Variants in MGST1 observed in about 807,000 individuals in gnomAD.
MGST1 encodes microsomal glutathione S-transferase 1.
A neutral mutation model predicts 8.9 loss-of-function variants in MGST1; 5 were observed. The ratio of observed to expected loss-of-function variants is 0.56; its 90% CI spans 0.29 to 1.19. MGST1 has a LOEUF of 1.19. MGST1 is among the 50% of genes most tolerant of loss of function. MGST1 has a pLI of 0.08. For missense variants in MGST1, 182 were observed against 187.4 expected, an observed-to-expected ratio of 0.97 and a Z score of 0.17; for synonymous variants, 54 against 67.8, an observed-to-expected ratio of 0.80 and a Z score of 1.00.
intron 1 of MGST1, among the ~76,000 whole-genome samples, chr12:16,432,841 G>A (rs1405830013): frequency 1.3e-5 from 2 of 151,880 alleles, no homozygotes; most frequent in African/African-American, 4.8e-5. Context: ...AATTATGGAC[G>A]CTGACAAGAC....
At chr12:16,574,142 A>G (rs920611297) in intron 4 of MGST1, among the ~76,000 whole-genome samples, 9 of 152,122 alleles carry the variant, frequency 5.9e-5, no homozygotes, top group Non-Finnish European at 1.3e-4. Context: ...TAAAAATGCA[A>G]CACCACCAAG....
At position 16,513,469 on chromosome 12, in the gene MGST1, G is replaced by T. The variant is rs1941589924; in HGVS notation, n.483-76059G>T. ...ACCCGGGCTCGCCTCTGATGCCCCT[G>T]CCAGAGCCAGCTCCTGGTGGACCCA... On this transcript the variant is annotated intron_variant and non_coding_transcript_variant, in intron 4 of 4. Coordinates refer to the MGST1 transcript ENST00000538857. This position sits in a 1 kb window ranked among gnomAD's most constrained non-coding sequence, Gnocchi z 4.2. 2.3e-6 allele frequency: 1 copy of T among 436,040 alleles called. No individual in the cohort carries two copies. The highest frequency in any genetic ancestry group is 4.6e-6 in the Non-Finnish European group (1 of 219,042). The allele number at this position is 436,040 out of a possible 1,614,324, so 27.0% of individuals were successfully genotyped here. A position where few individuals can be genotyped will look rare whatever the true frequency, so the allele number is the denominator to read the frequency against.
At chr12:16,480,357 G>T (rs888402131) in intron 4 of MGST1, among the ~76,000 whole-genome samples, 5 of 151,658 alleles carry the variant, frequency 3.3e-5, no homozygotes, top group Non-Finnish European at 5.9e-5. Flanking sequence ...TGGCCAGGAT[G>T]GTCTCGATCT....
chr12:16,543,173 A>G (rs539428422), intron 4 of MGST1, among the ~76,000 whole-genome samples: 1 of 152,256 alleles, frequency 6.6e-6, no homozygotes, highest in African/African-American at 2.4e-5. Context: ...GTGCCCAATA[A>G]ATGTCTGAAT....
chr12:16,404,676 C>T (rs990738412), intron 1 of MGST1, among the ~76,000 whole-genome samples: 2 of 151,958 alleles, frequency 1.3e-5, no homozygotes, highest in Non-Finnish European at 2.9e-5. Flanking sequence ...TCATTTATTC[C>T]TCTCCCTATT....
intron 1 of MGST1, chr12:16,437,354 C>G (rs568476249): frequency 1.2e-4 from 18 of 151,950 alleles, no homozygotes; most frequent in Non-Finnish European, 2.1e-4. Flanking sequence ...GCCTGACTGA[C>G]AAGCTGAAGC....
chr12:16,560,763 G>T lies in MGST1; in HGVS notation n.483-28765G>T. 1 of 566,116 alleles carries T rather than the reference G, an allele frequency of 1.8e-6. No individual in the cohort carries two copies. The highest frequency in any genetic ancestry group is 1.6e-5 in the South Asian group (1 of 61,112). 35.1% of individuals were successfully genotyped at this position (566,116 alleles called of 1,614,324 possible). A position where few individuals can be genotyped will look rare whatever the true frequency, so the allele number is the denominator to read the frequency against. On this transcript the variant is annotated intron_variant and non_coding_transcript_variant, in intron 4 of 4. Coordinates refer to the MGST1 transcript ENST00000538857. This position sits in a 1 kb window ranked among gnomAD's most constrained non-coding sequence, Gnocchi z 5.0. Reference sequence around the variant, plus strand: ...ATCTTGTTTGAGAAGAAAAGGAAAAGACAAATACATTAGGAAGCTTACGTA... The same window carrying T: ...ATCTTGTTTGAGAAGAAAAGGAAAATACAAATACATTAGGAAGCTTACGTA...
At chr12:16,524,675 C>T (rs770020126) in intron 4 of MGST1, among the ~76,000 whole-genome samples, 43 of 152,052 alleles carry the variant, frequency 2.8e-4, no homozygotes, top group Admixed American at 5.9e-4. Flanking sequence ...TCAACCTAAA[C>T]TTCAAAGGTA....
chr12:16,514,211 C>T (rs1941595968), intron 4 of MGST1: 1 of 308,554 alleles, frequency 3.2e-6, no homozygotes, highest in African/African-American at 2.2e-5. Flanking sequence ...CAATCATACA[C>T]CAAGAACATG....
rs1327115464 is a variant in MGST1, at chr12:16,401,094, C to T, written n.778+17490C>T. Reference sequence around the variant, plus strand: ...CCAAAAGGTCCTCTGCCTCATCTTTCTCCTCCTCCTCCTTTTCCTCATCTT... The same window carrying T: ...CCAAAAGGTCCTCTGCCTCATCTTTTTCCTCCTCCTCCTTTTCCTCATCTT... On this transcript the variant is annotated intron_variant and non_coding_transcript_variant, in intron 1 of 1. Transcript: ENST00000359720. The surrounding 1 kb of genome is among the most constrained non-coding windows in gnomAD (Gnocchi z 4.3). The T allele has an allele frequency of 3.2e-6, 5 of 1,582,942 alleles. No individual in the cohort carries two copies. The highest frequency in any genetic ancestry group is 4.3e-6 in the Non-Finnish European group (5 of 1,152,598).
At chr12:16,476,066 T>G (rs1221924412) in intron 4 of MGST1, among the ~76,000 whole-genome samples, 1 of 152,138 alleles carries the variant, frequency 6.6e-6, no homozygotes, top group East Asian at 1.9e-4. Flanking sequence ...ATATTCCTAG[T>G]CTAGACCCAG....
chr12:16,388,057 C>T (rs1940520296), intron 1 of MGST1, among the ~76,000 whole-genome samples: 2 of 151,904 alleles, frequency 1.3e-5, no homozygotes, highest in African/African-American at 2.4e-5. Flanking sequence ...CAATCCATCC[C>T]TCAGAATGTA....
Position 16,547,452 on chromosome 12 carries a change from A to G in MGST1, n.483-42076A>G, listed in dbSNP as rs747923889. 4.6e-5 allele frequency among the ~76,000 whole-genome samples: 7 copies of G among 152,180 alleles called. No individual in the cohort carries two copies. Among genetic ancestry groups the G allele is most frequent in the African/African-American group, 1.7e-4 (7 of 41,446 alleles). On this transcript the variant is annotated intron_variant and non_coding_transcript_variant, in intron 4 of 4. Transcript: ENST00000538857. This position sits in a 1 kb window ranked among gnomAD's most constrained non-coding sequence, Gnocchi z 4.6. ...GATATTTTCTGGGGCTTTCATATCA[A>G]TAACATGCTGGAGAGGTAGAAGATG...
rs1329254187 is a variant in MGST1, at chr12:16,489,855, C to T, written n.483-99673C>T. Among the ~76,000 whole-genome samples, 8 of 152,256 alleles carry T rather than the reference C, an allele frequency of 5.3e-5. No homozygotes were observed. In the East Asian group the frequency reaches 1.5e-3, roughly 29 times the overall value. ...ATGAAAGAGACTTCTACATTCTCAC[C>T]TGTCATCATGCAATTCCATTGTCTC... is the stretch of plus-strand genomic sequence containing the variant. On this transcript the variant is annotated intron_variant and non_coding_transcript_variant, in intron 4 of 4. Transcript: ENST00000538857.
intron 4 of MGST1, among the ~76,000 whole-genome samples, chr12:16,572,506 A>C (rs376398471): frequency 2.0e-5 from 3 of 150,046 alleles, no homozygotes; most frequent in East Asian, 1.9e-4. Context: ...TACTTCTTAG[A>C]AGCTGCTATG....
chr12:16,388,375 G>A (rs890139197), intron 1 of MGST1, among the ~76,000 whole-genome samples: 4 of 152,210 alleles, frequency 2.6e-5, no homozygotes, highest in South Asian at 4.1e-4. Context: ...GGGAGTGAAC[G>A]TGGAGGCCTA....
At position 16,420,677 on chromosome 12, in the gene MGST1, A is replaced by T. The variant is rs115717107; in HGVS notation, n.779-16711A>T. On this transcript the variant is annotated intron_variant and non_coding_transcript_variant, in intron 1 of 1. Transcript: ENST00000359720. ...CAGAGCTAGACCTTTCTTCCTATTCATCTAACAGTGATTGGATATGGGGAG... is the reference window on the plus strand; with the variant it reads ...CAGAGCTAGACCTTTCTTCCTATTCTTCTAACAGTGATTGGATATGGGGAG... Among the ~76,000 whole-genome samples the T allele has an allele frequency of 6.5e-3, 992 of 152,230 alleles. 14 individuals carry two copies. Among genetic ancestry groups the T allele is most frequent in the African/African-American group, 0.022 (928 of 41,546 alleles).
At chr12:16,510,711 C>G (rs780096911) in intron 4 of MGST1, among the ~76,000 whole-genome samples, 15 of 152,132 alleles carry the variant, frequency 9.9e-5, no homozygotes, top group Non-Finnish European at 1.6e-4. Flanking sequence ...CATTTTAGGT[C>G]TTACTACAGG....
intron 4 of MGST1, among the ~76,000 whole-genome samples, chr12:16,512,224 A>G (rs1364642566): frequency 6.6e-6 from 1 of 152,042 alleles, no homozygotes; most frequent in African/African-American, 2.4e-5. Context: ...AGGGTGAAGG[A>G]TGTGGGTATG....
Sources: allele counts gnomAD v4.1 joint callset (sites outside exome capture counted in the v4.1 genomes callset), GRCh38; gene constraint gnomAD v4.1.1; non-coding constraint Gnocchi (gnomAD v3.1); transcripts MANE v1.5; gene names NCBI Gene and HGNC (gene_info 2026-07-23, HGNC 2026-07-21).